The following ACSM4 variants were observed in gnomAD, a reference collection of about 807,000 sequenced individuals.
ACSM4 encodes acyl-coenzyme A synthetase ACSM4, mitochondrial.
Under a neutral mutation model 73.0 loss-of-function variants are expected in ACSM4, and 66 were observed. That is an observed-to-expected ratio of 0.90 (90% confidence interval 0.74 to 1.11). ACSM4 has a LOEUF of 1.11. Ranked by LOEUF, ACSM4 falls within the 50% of genes least tolerant of loss-of-function variation. ACSM4 has a pLI of 0.00. For missense variants in ACSM4, 645 were observed against 714.4 expected (o/e 0.90, Z 1.11); for synonymous variants, 222 against 254.0 (o/e 0.87, Z 1.20).
chr12:7,309,762 C>G (rs117718013), intron 2 of ACSM4, among the ~76,000 whole-genome samples: 4,856 of 152,134 alleles, frequency 0.032, 107 homozygotes, highest in Non-Finnish European at 0.049. Context: ...GAAAAACTCA[C>G]TTTGGAGGCC....
rs749805632 is a variant in ACSM4 at position 7,304,458 on chromosome 12, C to T, written c.127C>T (p.Arg43Cys). 56 of 1,613,844 alleles carry T rather than the reference C, an allele frequency of 3.5e-5. No individual in the cohort carries two copies. The highest frequency in any genetic ancestry group is 8.9e-5 in the East Asian group (4 of 44,894). ...LTLADFEAIN[R>C]CNRPLPKNFN... ...TCTTGCTGACTTTGAAGCCATAAAT[C>T]GCTGTAACAGGCCATTGCCTAAAAA... Residue 43 changes from arginine to cysteine, a missense_variant, in exon 1 of 13, where the codon CGC (arginine) becomes TGC (cysteine). By Grantham distance (180) the Arg-to-Cys change is radical (BLOSUM62 -3). Transcript: ENST00000399422.
At chr12:7,321,233 C>T (rs756794617) in intron 6 of ACSM4, among the ~76,000 whole-genome samples, 1 of 152,024 alleles carries the variant, frequency 6.6e-6, no homozygotes, top group East Asian at 1.9e-4. Flanking sequence ...ATTTAGAACT[C>T]AAAAAAGAAA....
At chr12:7,306,461 C>T (rs1946362519) in intron 1 of ACSM4, 72 bp from the exon 2 acceptor site, 6 of 1,424,100 alleles carry the variant, frequency 4.2e-6, no homozygotes, top group East Asian at 2.5e-5. Context: ...AGGGGGAAAA[C>T]AGCAGATGCC....
intron 3 of ACSM4, among the ~76,000 whole-genome samples, chr12:7,314,655 A>G (rs1388615992): frequency 2.6e-5 from 4 of 152,192 alleles, no homozygotes; most frequent in Non-Finnish European, 4.4e-5. Context: ...AGATAGAGAG[A>G]TAGATGCCTT....
chr12:7,314,606 T>TGATAGATA (rs71067184), intron 3 of ACSM4, among the ~76,000 whole-genome samples: 75 of 151,870 alleles, frequency 4.9e-4, no homozygotes, highest in African/African-American at 1.1e-3. Context: ...GGTAGATAGA[T>TGATAGATA]GATAGATAGA....
rs751414905 is a variant in ACSM4, at chr12:7,323,469, A to G, written c.1217A>G (p.Glu406Gly). ...MLPYDVQIIDENGNVLPPGKE... is the reference protein window; with the variant it reads ...MLPYDVQIIDGNGNVLPPGKE... ...TTTCTTTCATTCCAGATTATAGATG[A>G]AAATGGCAATGTTCTACCACCTGGC... Residue 406 changes from glutamate to glycine, a missense_variant, in exon 9 of 13, where the codon GAA (glutamate) becomes GGA (glycine). Physicochemically the swap from Glu to Gly is moderately conservative, Grantham distance 98 (BLOSUM62 -2). Coordinates refer to ENST00000399422, the MANE Select transcript of ACSM4 (RefSeq NM_001080454.2). The G allele has an allele frequency of 2.5e-6, 4 of 1,613,778 alleles. No homozygotes were observed. The African/African-American group carries it at 4.0e-5, about 16-fold the overall frequency.
chr12:7,311,875 A>C (rs1259355741), intron 3 of ACSM4, among the ~76,000 whole-genome samples: 1 of 152,126 alleles, frequency 6.6e-6, no homozygotes, highest in Non-Finnish European at 1.5e-5. Flanking sequence ...TTTTTAGTAG[A>C]AAGGGAGTTA....
chr12:7,304,621 C>T (rs7485573), intron 1 of ACSM4, 89 bp downstream of exon 1: 621,809 of 1,343,498 alleles, frequency 0.46, 153,578 homozygotes, highest in Non-Finnish European at 0.52. Flanking sequence ...CCACTTAATT[C>T]CAATGCACTC....
At chr12:7,318,461 C>T in intron 5 of ACSM4, 1 of 345,488 alleles carries the variant, frequency 2.9e-6, no homozygotes, top group Non-Finnish European at 5.2e-6. Context: ...GAAACTGGTT[C>T]TAAATAACAG....
chr12:7,321,423 C>T (rs1591845465), intron 6 of ACSM4, among the ~76,000 whole-genome samples: 1 of 152,260 alleles, frequency 6.6e-6, no homozygotes, highest in African/African-American at 2.4e-5. Context: ...GTAGCATAGG[C>T]TTGTCCATCC....
rs1054724541 is a variant in ACSM4 at position 7,306,640 on chromosome 12, C to A, written c.309C>A (p.Asn103Lys). ...ELGSLSRKAA[N>K]VLTKPCGLQR... The stretch of plus-strand genomic sequence containing the variant: ...GCTCCTTGTCCCGAAAAGCTGCCAA[C>A]GTGCTCACCAAGCCCTGTGGCCTGC... Residue 103 changes from asparagine (N) to lysine (K), a missense_variant, in exon 2 of 13, where the codon AAC becomes AAA. Physicochemically the swap from Asn to Lys is moderately conservative, Grantham distance 94. Transcript: ENST00000399422. The A allele has an allele frequency of 1.2e-5, 19 of 1,608,398 alleles. No homozygotes were observed. Among genetic ancestry groups the A allele is most frequent in the Non-Finnish European group, 1.6e-5 (19 of 1,177,498 alleles).
chr12:7,318,094 C>A lies in ACSM4; in HGVS notation c.833C>A (p.Ala278Asp). The change falls in exon 5 of 13, where the codon GCC (alanine) becomes GAC (aspartate). Residue 278 changes from alanine to aspartate, a missense_variant. Physicochemically the swap from Ala to Asp is moderately radical, Grantham distance 126 (BLOSUM62 -2). Coordinates refer to ENST00000399422, the MANE Select transcript of ACSM4 (RefSeq NM_001080454.2). ...TCTGACACGGGCTGGGTCAAGGCCG[C>A]CATTGGCAGTGTGTTTTCTTCCTGG... is the stretch of plus-strand genomic sequence containing the variant. ...NMSDTGWVKA[A>D]IGSVFSSWLC... The A allele has an allele frequency of 6.2e-7, 1 of 1,613,782 alleles. No homozygotes were observed. The highest frequency in any genetic ancestry group is 1.7e-5 in the Admixed American group (1 of 59,986).
At chr12:7,305,681 C>T (rs972467363) in intron 1 of ACSM4, among the ~76,000 whole-genome samples, 4 of 152,104 alleles carry the variant, frequency 2.6e-5, no homozygotes. Context: ...AAATTGGAGT[C>T]ATCTGGAGTA....
rs113622119 is a variant in ACSM4, at chr12:7,322,534, C to G, written c.1118C>G (p.Thr373Arg). The G allele has an allele frequency of 3.1e-6, 5 of 1,613,138 alleles. No homozygotes were observed. The African/African-American group carries it at 6.7e-5, about 22-fold the overall frequency. ...GAGCTATATGAGGGCTATGGACAGACGGAAGTGGTATATCTAAAGGGCATT... is the reference window on the plus strand; with the variant it reads ...GAGCTATATGAGGGCTATGGACAGAGGGAAGTGGTATATCTAAAGGGCATT... The part of the protein sequence containing the change: ...GLELYEGYGQ[T>R]EVGMICANQK... Residue 373 changes from threonine to arginine, a missense_variant, in exon 7 of 13, where the codon ACG becomes AGG. By Grantham distance (71) the Thr-to-Arg change is moderately conservative. Coordinates refer to ENST00000399422, the MANE Select transcript of ACSM4 (RefSeq NM_001080454.2).
At chr12:7,321,178 C>CA (rs200720261) in intron 6 of ACSM4, among the ~76,000 whole-genome samples, 2 of 150,902 alleles carry the variant, frequency 1.3e-5, no homozygotes, top group Admixed American at 6.6e-5. Flanking sequence ...AACTCCCACT[C>CA]AAAAAAAAAT....
chr12:7,314,808 A>G (rs1316273166), intron 3 of ACSM4, among the ~76,000 whole-genome samples: 1 of 152,248 alleles, frequency 6.6e-6, no homozygotes, highest in Non-Finnish European at 1.5e-5. Flanking sequence ...AAGAAAATCA[A>G]TATAGTTGAA....
chr12:7,316,963 T>C (rs1469792835), intron 3 of ACSM4, among the ~76,000 whole-genome samples, 174 bp from the exon 4 acceptor site: 1 of 152,224 alleles, frequency 6.6e-6, no homozygotes, highest in Non-Finnish European at 1.5e-5. Flanking sequence ...GCACTGACCT[T>C]CAAAGTCCCG....
rs1188233380 is a variant in ACSM4, at chr12:7,323,231, T to A, written c.1126-3T>A. The A allele has an allele frequency of 1.2e-6, 2 of 1,605,114 alleles. No individual in the cohort carries two copies. The highest frequency in any genetic ancestry group is 1.7e-6 in the Non-Finnish European group (2 of 1,175,700). Reference sequence around the variant, plus strand: ...ACTTATACAAAGCTTGTCCTCTCAATAGGGAATGATTTGTGCCAATCAGAA... The same window carrying A: ...ACTTATACAAAGCTTGTCCTCTCAAAAGGGAATGATTTGTGCCAATCAGAA... On this transcript the variant is annotated splice_region_variant and splice_polypyrimidine_tract_variant and intron_variant, in intron 7 of 12. Coordinates refer to ENST00000399422, the MANE Select transcript of ACSM4 (RefSeq NM_001080454.2).
chr12:7,317,101 A>G, intron 3 of ACSM4, 36 bp from the exon 4 acceptor site: 8 of 1,589,192 alleles, frequency 5.0e-6, no homozygotes, highest in Non-Finnish European at 6.8e-6. Flanking sequence ...CTGGTCTGCC[A>G]TCTTCCACCG....
Sources: gnomAD v4.1 joint callset for allele counts (sites outside exome capture counted in the v4.1 genomes callset) on GRCh38, gnomAD v4.1.1 for gene constraint, MANE v1.5 for transcripts, NCBI Gene and HGNC (gene_info 2026-07-23, HGNC 2026-07-21) for gene names.